Variants in TRIML1 observed in about 807,000 individuals in gnomAD.
The protein encoded by TRIML1 is tripartite motif family like 1.
Under a neutral mutation model 32.3 loss-of-function variants are expected in TRIML1, and 34 were observed. That is an observed-to-expected ratio of 1.05 (90% confidence interval 0.80 to 1.40). The LOEUF is 1.40. Among genes scored for constraint, TRIML1 ranks in the 40% most tolerant of loss-of-function variants. The pLI is 0.00. For synonymous variants in TRIML1, 244 were observed against 226.6 expected (o/e 1.08, Z -0.69); for missense variants, 595 against 574.9 (o/e 1.03, Z -0.36).
chr4:188,140,710 A>C, intron 2 of TRIML1, 87 bp downstream of exon 2: 1 of 1,050,526 alleles, frequency 9.5e-7, no homozygotes, highest in Non-Finnish European at 1.4e-6. Context: ...GGAAAAAAAA[A>C]AGACAAATTT....
upstream of TRIML1, among the ~76,000 whole-genome samples, chr4:188,138,888 G>A (rs767390381): frequency 2.0e-5 from 3 of 151,972 alleles, no homozygotes; most frequent in Non-Finnish European, 2.9e-5. Flanking sequence ...GCAATTCATC[G>A]TGCGCCTAAC....
chr4:188,145,665 A>G (rs912170016), intron 5 of TRIML1, among the ~76,000 whole-genome samples: 1 of 151,634 alleles, frequency 6.6e-6, no homozygotes, highest in African/African-American at 2.4e-5. Context: ...TCTACTAAAA[A>G]TACAAAAAAC....
At position 188,147,232 on chromosome 4, in the gene TRIML1, G is replaced by A. The variant is rs759002546; in HGVS notation, c.1267G>A (p.Gly423Arg). 3.7e-6 allele frequency: 6 copies of A among 1,610,540 alleles called. No individual in the cohort carries two copies. Among genetic ancestry groups the A allele is most frequent in the East Asian group, 2.2e-5 (1 of 44,824 alleles). The change falls in exon 6 of 6, where the codon GGG becomes AGG. Residue 423 changes from glycine to arginine, a missense_variant. Coordinates refer to ENST00000332517, the MANE Select transcript of TRIML1 (RefSeq NM_178556.5). The stretch of plus-strand genomic sequence containing the variant: ...ATCTGGACATATAGCATTCTACAAC[G>A]GGACGGATGAATCCCTCATCTACAG... ...YESGHIAFYN[G>R]TDESLIYSFP... is the part of the protein sequence containing the mutation.
At chr4:188,144,487 C>G (rs934350617) in intron 5 of TRIML1, among the ~76,000 whole-genome samples, 10 of 145,918 alleles carry the variant, frequency 6.9e-5, no homozygotes, top group African/African-American at 2.0e-4. Flanking sequence ...CTCAGCCTCC[C>G]GAGTAGCTGG....
Position 188,139,697 on chromosome 4 carries a change from C to G in TRIML1, c.139C>G (p.His47Asp), listed in dbSNP as rs893092467. 3 of 1,614,072 alleles carry G rather than the reference C, an allele frequency of 1.9e-6. No homozygotes were observed. In the African/African-American group the frequency reaches 4.0e-5, roughly 22 times the overall value. ...LVCLLRSWEE[H>D]NTPLSCPECW... Reference sequence around the variant, plus strand: ...GTGTCTCCTCAGGAGCTGGGAGGAACATAACACACCTTTATCTTGTCCTGA... The same window carrying G: ...GTGTCTCCTCAGGAGCTGGGAGGAAGATAACACACCTTTATCTTGTCCTGA... The change falls in exon 1 of 6, where the codon CAT becomes GAT. Residue 47 changes from histidine to aspartate, a missense_variant. His to Asp is a moderately conservative substitution (Grantham distance 81, BLOSUM62 -1). Coordinates refer to ENST00000332517, the MANE Select transcript of TRIML1 (RefSeq NM_178556.5).
chr4:188,141,740 G>A (rs1017651490), intron 2 of TRIML1, among the ~76,000 whole-genome samples: 4 of 151,974 alleles, frequency 2.6e-5, no homozygotes, highest in Non-Finnish European at 4.4e-5. Flanking sequence ...ACATACCTCC[G>A]AAAACATCAA....
chr4:188,147,128 G>C lies in TRIML1; in HGVS notation c.1163G>C (p.Ser388Thr). 1 of 1,614,086 alleles carries C rather than the reference G, an allele frequency of 6.2e-7. No individual in the cohort carries two copies. The highest frequency in any genetic ancestry group is 1.6e-4 in the Middle Eastern group (1 of 6,062). ...GGTTTAAAAATCGGAGATGATTACAGCCTCTGGGTCTCGTCACCTTTGAAA... is the reference window on the plus strand; with the variant it reads ...GGTTTAAAAATCGGAGATGATTACACCCTCTGGGTCTCGTCACCTTTGAAA... ...LIGLKIGDDYSLWVSSPLKGQ... is the reference protein window; with the variant it reads ...LIGLKIGDDYTLWVSSPLKGQ... The change falls in exon 6 of 6, where the codon AGC becomes ACC. Residue 388 changes from serine to threonine, a missense_variant. Coordinates refer to ENST00000332517, the MANE Select transcript of TRIML1 (RefSeq NM_178556.5).
upstream of TRIML1, among the ~76,000 whole-genome samples, chr4:188,138,609 T>C (rs1198266303): frequency 6.6e-6 from 1 of 152,116 alleles, no homozygotes; most frequent in Non-Finnish European, 1.5e-5. Context: ...ATTTACTTTT[T>C]CATATGTCCG....
In TRIML1 at chr4:188,139,617, T is replaced by C. The variant is rs761506324; in HGVS notation, c.59T>C (p.Leu20Ser). The C allele has an allele frequency of 1.9e-6, 3 of 1,613,448 alleles. No individual in the cohort carries two copies. Among genetic ancestry groups the C allele is most frequent in the African/African-American group, 2.7e-5 (2 of 74,898 alleles). ...GAGGAACTCACCTGTTTCATCTGCT[T>C]AGACTATTTCAGCAGCCCAGTGACC... The part of the protein sequence containing the change: ...LREELTCFIC[L>S]DYFSSPVTTE... Residue 20 changes from leucine (L) to serine (S), a missense_variant, in exon 1 of 6, where the codon TTA becomes TCA. By Grantham distance (145) the Leu-to-Ser change is moderately radical. Transcript: ENST00000332517.
chr4:188,139,843 C>T lies in TRIML1; in HGVS notation c.285C>T (p.Tyr95=), dbSNP rs773005360. Residue 95 remains tyrosine, a synonymous_variant, in exon 1 of 6, where the codon TAC becomes TAT. Transcript: ENST00000332517. ...AGAGCGAGGATGAGCAGGGCAGCTA[C>T]GGGAGGATGCCCACCACTGCCAAGG... ...VLQSEDEQGS[Y]GRMPTTAKAL... is the part of the protein sequence containing the mutation. The T allele has an allele frequency of 1.6e-5, 26 of 1,613,744 alleles. No individual in the cohort carries two copies. The highest frequency in any genetic ancestry group is 4.0e-5 in the African/African-American group (3 of 74,924).
In TRIML1 at chr4:188,147,125, A is replaced by C. The variant is rs752835015; in HGVS notation, c.1160A>C (p.Tyr387Ser). 8 of 1,613,984 alleles carry C rather than the reference A, an allele frequency of 5.0e-6. 1 individual carries two copies. In the Admixed American group the frequency reaches 6.7e-5, roughly 13 times the overall value. The change falls in exon 6 of 6, where the codon TAC (tyrosine) becomes TCC (serine). Residue 387 changes from tyrosine (Y) to serine (S), a missense_variant. Physicochemically the swap from Tyr to Ser is moderately radical, Grantham distance 144. Transcript: ENST00000332517. ...SLIGLKIGDD[Y>S]SLWVSSPLKG... ...ATAGGTTTAAAAATCGGAGATGATT[A>C]CAGCCTCTGGGTCTCGTCACCTTTG...
chr4:188,142,132 A>AT, intron 2 of TRIML1, 120 bp from the exon 3 acceptor site: 3 of 647,112 alleles, frequency 4.6e-6, no homozygotes, highest in Non-Finnish European at 4.9e-6. Flanking sequence ...AAAAAAAAAA[A>AT]GAAAGAAAGA....
chr4:188,150,330 T>C (rs1395642948), downstream of TRIML1, among the ~76,000 whole-genome samples: 1 of 151,742 alleles, frequency 6.6e-6, no homozygotes, highest in Non-Finnish European at 1.5e-5. Context: ...GGTTTTGCCA[T>C]GTTGGCCAGG....
At chr4:188,144,952 T>A (rs1447880776) in intron 5 of TRIML1, among the ~76,000 whole-genome samples, 1 of 152,120 alleles carries the variant, frequency 6.6e-6, no homozygotes, top group Non-Finnish European at 1.5e-5. Context: ...AGCTTTGAAC[T>A]CCAGAGTGCT....
At chr4:188,138,737 T>G (rs1360787030), upstream of TRIML1, among the ~76,000 whole-genome samples, 1 of 150,430 alleles carries the variant, frequency 6.6e-6, no homozygotes, top group Admixed American at 6.8e-5. Flanking sequence ...ACATTTATAC[T>G]AAAATATAAT....
At position 188,139,819 on chromosome 4, in the gene TRIML1, G is replaced by C. The variant is rs1579203187; in HGVS notation, c.261G>C (p.Gln87His). 2.5e-6 allele frequency: 4 copies of C among 1,613,966 alleles called. No individual in the cohort carries two copies. The highest frequency in any genetic ancestry group is 3.4e-6 in the Non-Finnish European group (4 of 1,180,044). ...IARQLRSQVLQSEDEQGSYGR... is the reference protein window; with the variant it reads ...IARQLRSQVLHSEDEQGSYGR... ...GGCAGCTCCGGTCCCAGGTGCTGCA[G>C]AGCGAGGATGAGCAGGGCAGCTACG... is the stretch of plus-strand genomic sequence containing the variant. Residue 87 changes from glutamine to histidine, a missense_variant, in exon 1 of 6, where the codon CAG becomes CAC. Physicochemically the swap from Gln to His is conservative, Grantham distance 24. Transcript: ENST00000332517.
At chr4:188,144,254 A>G in intron 5 of TRIML1, 121 bp downstream of exon 5, 1 of 832,076 alleles carries the variant, frequency 1.2e-6, no homozygotes, top group Non-Finnish European at 1.9e-6. Flanking sequence ...CCGGGCCAGC[A>G]CGGAACACCA....
At chr4:188,144,605 G>C (rs796279962) in intron 5 of TRIML1, among the ~76,000 whole-genome samples, 1 of 151,134 alleles carries the variant, frequency 6.6e-6, no homozygotes, top group Admixed American at 6.6e-5. Context: ...CTCGTGATCC[G>C]CCCGCCTCGG....
In TRIML1 at chr4:188,144,979, T is replaced by C. The variant is rs535081449; in HGVS notation, c.856+846T>C. ...CAGAGTGCTGAATAAAGCCCTGCCA[T>C]GGGCCCCGGCACTATGCTACTGGGC... On this transcript the variant is annotated intron_variant, in intron 5 of 5. Coordinates refer to ENST00000332517, the MANE Select transcript of TRIML1 (RefSeq NM_178556.5). Among the ~76,000 whole-genome samples, 11 of 152,260 alleles carry C rather than the reference T, an allele frequency of 7.2e-5. No homozygotes were observed. The South Asian group carries it at 1.9e-3, about 26-fold the overall frequency.
Sources: gnomAD v4.1 joint callset for allele counts (sites outside exome capture counted in the v4.1 genomes callset) on GRCh38, gnomAD v4.1.1 for gene constraint, MANE v1.5 for transcripts, NCBI Gene and HGNC (gene_info 2026-07-23, HGNC 2026-07-21) for gene names.